NOP53: variants seen among roughly 807,000 people sequenced by gnomAD.
The protein encoded by NOP53 is NOP53 ribosome biogenesis factor, also known as ribosome biogenesis protein NOP53.
NOP53 carries 40 observed loss-of-function variants against 61.0 expected under a neutral mutation model. The observed-to-expected ratio is 0.66, with a 90% confidence interval of 0.51 to 0.85. The LOEUF (loss-of-function observed/expected upper bound fraction) is 0.85. Among genes scored for constraint, NOP53 ranks in the 40% least tolerant of loss-of-function variants. NOP53 has a pLI of 0.00. For synonymous variants in NOP53, 308 were observed against 289.5 expected (o/e 1.06, Z -0.65); for missense variants, 689 against 652.9 (o/e 1.06, Z -0.60).
At chr19:47,747,239 A>G (rs767177553) in intron 2 of NOP53, among the ~76,000 whole-genome samples, 1 of 152,184 alleles carries the variant, frequency 6.6e-6, no homozygotes, top group African/African-American at 2.4e-5. Flanking sequence ...TTGAGATGTC[A>G]GTGATCTCCA....
In NOP53 at chr19:47,750,183, A is replaced by G. The variant is rs747880706; in HGVS notation, c.295A>G (p.Thr99Ala). 163 of 1,605,422 alleles carry G rather than the reference A, an allele frequency of 1.0e-4. No individual in the cohort carries two copies. The highest frequency in any genetic ancestry group is 1.4e-4 in the Non-Finnish European group (159 of 1,172,362). The change falls in exon 3 of 13, where the codon ACA (threonine) becomes GCA (alanine). Residue 99 changes from threonine (T) to alanine (A), a missense_variant. Physicochemically the swap from Thr to Ala is moderately conservative, Grantham distance 58 (BLOSUM62 0). Coordinates refer to ENST00000246802, the MANE Select transcript of NOP53 (RefSeq NM_015710.5). The stretch of plus-strand genomic sequence containing the variant: ...GTTCTCTTTCCCATTCTTAGGGCTG[A>G]CAAAGAAGAGAACCAAAGTCCAGAA... ...VDTGSKEKGLTKKRTKVQKKS... is the reference protein window; with the variant it reads ...VDTGSKEKGLAKKRTKVQKKS...
At chr19:47,748,794 G>A (rs562709997) in intron 2 of NOP53, among the ~76,000 whole-genome samples, 8 of 152,226 alleles carry the variant, frequency 5.3e-5, no homozygotes, top group Admixed American at 3.3e-4. Flanking sequence ...ACTGAGAAGC[G>A]CTTGAACCCG....
Position 47,750,274 on chromosome 19 carries a change from C to G in NOP53, c.386C>G (p.Pro129Arg). The change falls in exon 3 of 13, where the codon CCT becomes CGT. Residue 129 changes from proline to arginine, a missense_variant. Physicochemically the swap from Pro to Arg is moderately radical, Grantham distance 103. Coordinates refer to ENST00000246802, the MANE Select transcript of NOP53 (RefSeq NM_015710.5). ...DLILENTSKVPAPKDVLAHQV... is the reference protein window; with the variant it reads ...DLILENTSKVRAPKDVLAHQV... ...ATCCTCGAGAACACATCCAAAGTCC[C>G]TGCCCCCAAAGAGTGAGTGTCCCAG... The G allele has an allele frequency of 6.3e-7, 1 of 1,598,376 alleles. No homozygotes were observed. The highest frequency in any genetic ancestry group is 8.6e-7 in the Non-Finnish European group (1 of 1,165,698).
chr19:47,754,603 T>C lies in NOP53; in HGVS notation c.842T>C (p.Leu281Pro). 4 of 1,549,668 alleles carry C rather than the reference T, an allele frequency of 2.6e-6. No individual in the cohort carries two copies. Among genetic ancestry groups the C allele is most frequent in the Non-Finnish European group, 3.5e-6 (4 of 1,147,792 alleles). The change falls in exon 7 of 13, where the codon CTG becomes CCG. Residue 281 changes from leucine to proline, a missense_variant. By Grantham distance (98) the Leu-to-Pro change is moderately conservative. Coordinates refer to ENST00000246802, the MANE Select transcript of NOP53 (RefSeq NM_015710.5). This position sits in a 1 kb window ranked among gnomAD's most constrained non-coding sequence, Gnocchi z 4.2. ...EAEKLERQLA[L>P]PATEQAATQE... The stretch of plus-strand genomic sequence containing the variant: ...GAGAAGCTGGAGCGGCAGCTGGCCC[T>C]GCCCGCCACGGAGCAGGCCGCCACC...
At chr19:47,750,063 C>G in intron 2 of NOP53, 115 bp from the exon 3 acceptor site, 1 of 656,912 alleles carries the variant, frequency 1.5e-6, no homozygotes, top group Non-Finnish European at 2.7e-6. Flanking sequence ...ACCTCCAAGT[C>G]TCCTGGGGTG....
intron 10 of NOP53, 184 bp downstream of exon 10, chr19:47,756,006 G>A (rs1455292486): frequency 1.7e-6 from 1 of 598,900 alleles, no homozygotes; most frequent in Admixed American, 2.9e-5. Flanking sequence ...CCAGGCTAAG[G>A]TTTGAGTCCG....
Position 47,755,385 on chromosome 19 carries a change from G to C in NOP53, c.1091G>C (p.Arg364Pro). 1 of 1,525,862 alleles carries C rather than the reference G, an allele frequency of 6.6e-7. No homozygotes were observed. Among genetic ancestry groups the C allele is most frequent in the Non-Finnish European group, 8.8e-7 (1 of 1,142,280 alleles). The allele number at this position is 1,525,862 out of a possible 1,614,324, so 94.5% of individuals were successfully genotyped here. A position where few individuals can be genotyped will look rare whatever the true frequency, so the allele number is the denominator to read the frequency against. ...GCCGCGTTGCGGGCCGCCCGGCTCC[G>C]GCACCAGGAGCTGTTCCGGCTGCGC... Reference protein sequence around the residue: ...QQAALRAARLRHQELFRLRGI... With the variant: ...QQAALRAARLPHQELFRLRGI... Residue 364 changes from arginine to proline, a missense_variant, in exon 9 of 13, where the codon CGG (arginine) becomes CCG (proline). Transcript: ENST00000246802.
At position 47,756,758 on chromosome 19, in the gene NOP53, G is replaced by A. The variant is rs900535623; in HGVS notation, c.1430+14G>A. On this transcript the variant is annotated intron_variant, in intron 12 of 12. Coordinates refer to ENST00000246802, the MANE Select transcript of NOP53 (RefSeq NM_015710.5). ...CCGTGAGATCCAGTGAGTCCACCCG[G>A]CTTCGGCGCAAGGAAGGGAGCCCTT... 1 of 1,612,784 alleles carries A rather than the reference G, an allele frequency of 6.2e-7. No individual in the cohort carries two copies. The highest frequency in any genetic ancestry group is 1.7e-5 in the Admixed American group (1 of 60,024).
rs867458080 is a variant in NOP53 at position 47,754,769 on chromosome 19, C to G, written c.931C>G (p.Pro311Ala). 1 of 1,526,012 alleles carries G rather than the reference C, an allele frequency of 6.6e-7. No individual in the cohort carries two copies. The highest frequency in any genetic ancestry group is 2.1e-5 in the Admixed American group (1 of 46,720). 94.5% of individuals were successfully genotyped at this position (1,526,012 alleles called of 1,614,324 possible). ...GGAGGAGTCGGATGGTGAGGGGGAG[C>G]CAGGCCAGGGCGAGGGGCCGGAGGC... ...LLEESDGEGE[P>A]GQGEGPEAGD... The change falls in exon 8 of 13, where the codon CCA becomes GCA. Residue 311 changes from proline to alanine, a missense_variant. By Grantham distance (27) the Pro-to-Ala change is conservative. Transcript: ENST00000246802. The surrounding 1 kb of genome is among the most constrained non-coding windows in gnomAD (Gnocchi z 4.2).
intron 9 of NOP53, 37 bp from the exon 10 acceptor site, chr19:47,755,718 CG>C (rs1415678645): frequency 3.8e-6 from 6 of 1,565,060 alleles, no homozygotes; most frequent in Middle Eastern, 2.3e-4. Context: ...CTGGGCCCCG[CG>C]GGGGTGATAT....
chr19:47,755,308 C>T (rs149774867), intron 8 of NOP53, 40 bp from the exon 9 acceptor site: 14,392 of 1,347,324 alleles, frequency 0.011, 121 homozygotes, highest in Middle Eastern at 0.014. Flanking sequence ...CCTGTGTGGG[C>T]AGCACCGGCC....
intron 10 of NOP53, 29 bp downstream of exon 10, chr19:47,755,851 C>A: frequency 6.4e-7 from 1 of 1,574,112 alleles, no homozygotes; most frequent in Non-Finnish European, 8.7e-7. Flanking sequence ...CGTGGAGCCC[C>A]GTGCCCAGTG....
chr19:47,753,229 A>C (rs1260654427), intron 6 of NOP53: 1 of 152,532 alleles, frequency 6.6e-6, no homozygotes, highest in Non-Finnish European at 1.5e-5. Flanking sequence ...AGATCATTGG[A>C]GGTCAGGAGT....
rs1967107014 is a variant in NOP53 at position 47,750,166 on chromosome 19, T to A, written c.290-12T>A. On this transcript the variant is annotated splice_polypyrimidine_tract_variant and intron_variant, in intron 2 of 12. Coordinates refer to ENST00000246802, the MANE Select transcript of NOP53 (RefSeq NM_015710.5). ...GGCTGAGGCCTTGACTTGTTCTCTT[T>A]CCCATTCTTAGGGCTGACAAAGAAG... 3 of 1,567,070 alleles carry A rather than the reference T, an allele frequency of 1.9e-6. No homozygotes were observed. The highest frequency in any genetic ancestry group is 2.6e-6 in the Non-Finnish European group (3 of 1,137,622).
intron 9 of NOP53, 38 bp from the exon 10 acceptor site, chr19:47,755,718 C>CG: frequency 6.4e-7 from 1 of 1,565,194 alleles, no homozygotes. Flanking sequence ...CTGGGCCCCG[C>CG]GGGGGTGATA....
In NOP53 at chr19:47,754,940, C is replaced by G. The variant is rs1282055843; in HGVS notation, c.1053+49C>G. 1 of 1,445,860 alleles carries G rather than the reference C, an allele frequency of 6.9e-7. No homozygotes were observed. Among genetic ancestry groups the G allele is most frequent in the East Asian group, 2.5e-5 (1 of 39,616 alleles). 89.6% of individuals were successfully genotyped at this position (1,445,860 alleles called of 1,614,324 possible). A position where few individuals can be genotyped will look rare whatever the true frequency, so the allele number is the denominator to read the frequency against. ...CTGCCTCTGATGCCTCGCCCCCTTC[C>G]TTCCTTCCTCCCACCATGGGCTGCC... On this transcript the variant is annotated intron_variant, in intron 8 of 12. Coordinates refer to ENST00000246802, the MANE Select transcript of NOP53 (RefSeq NM_015710.5). This position sits in a 1 kb window ranked among gnomAD's most constrained non-coding sequence, Gnocchi z 4.2.
intron 1 of NOP53, 42 bp from the exon 2 acceptor site, chr19:47,746,925 C>T (rs776711214): frequency 1.3e-6 from 2 of 1,550,356 alleles, no homozygotes; most frequent in Admixed American, 1.7e-5. Flanking sequence ...TCTCTTTCCT[C>T]TCCAACATCT....
chr19:47,749,632 AAGAC>A (rs10594207), intron 2 of NOP53, among the ~76,000 whole-genome samples: 82,743 of 151,482 alleles, frequency 0.55, 25,874 homozygotes, highest in South Asian at 0.72. Context: ...TGGGAGGAAA[AAGAC>A]AGTAAAAACC....
chr19:47,751,457 G>T (rs1200285825), intron 4 of NOP53, 63 bp from the exon 5 acceptor site: 2 of 1,263,524 alleles, frequency 1.6e-6, no homozygotes, highest in East Asian at 4.6e-5. Flanking sequence ...GGATTGGGGG[G>T]GAGCCTTTGG....
Sources: gnomAD v4.1 joint callset for allele counts (sites outside exome capture counted in the v4.1 genomes callset) on GRCh38, gnomAD v4.1.1 for gene constraint, Gnocchi (gnomAD v3.1) non-coding constraint, MANE v1.5 for transcripts, NCBI Gene and HGNC (gene_info 2026-07-23, HGNC 2026-07-21) for gene names.